The following LIPC variants were observed in gnomAD, a reference collection of about 807,000 sequenced individuals.
LIPC encodes the protein lipase C, hepatic type.
In LIPC, 44 loss-of-function variants were observed where a neutral mutation model predicts 50.7. That is an observed-to-expected ratio of 0.87 (90% CI 0.68 to 1.11). LIPC has a LOEUF of 1.11. LIPC is among the 50% of genes most tolerant of loss of function. LIPC has a pLI of 0.00. For synonymous variants in LIPC, 271 were observed against 256.4 expected (o/e 1.06, Z -0.54); for missense variants, 697 against 648.2 (o/e 1.08, Z -0.82).
chr15:58,545,366 G>C (rs1281997172), intron 4 of LIPC, among the ~76,000 whole-genome samples: 1 of 152,158 alleles, frequency 6.6e-6, no homozygotes, highest in South Asian at 2.1e-4. Flanking sequence ...AGCCTCCTGA[G>C]TGGCTGAAAC....
intron 1 of LIPC, among the ~76,000 whole-genome samples, chr15:58,450,322 C>T (rs1045033364): frequency 2.0e-5 from 3 of 152,164 alleles, no homozygotes; most frequent in Non-Finnish European, 4.4e-5. Context: ...ATTCAATAGG[C>T]CTAGGGTGCG....
rs140125467 is a variant in LIPC, at chr15:58,496,453, G to A, written c.89-41880G>A. 3.9e-5 allele frequency among the ~76,000 whole-genome samples: 6 copies of A among 152,180 alleles called. No individual in the cohort carries two copies. The East Asian group carries it at 5.8e-4, about 15-fold the overall frequency. On this transcript the variant is annotated intron_variant, in intron 1 of 8. Transcript: ENST00000299022. ...CAGTGCTCAGAGAAGTGCCTGGCAC[G>A]TAATAAAAGCTCATTGAACAAGGGA...
At chr15:58,547,311 G>A (rs1893566141) in intron 5 of LIPC, among the ~76,000 whole-genome samples, 1 of 152,200 alleles carries the variant, frequency 6.6e-6, no homozygotes, top group Non-Finnish European at 1.5e-5. Context: ...GAGCTTGGGT[G>A]AGTTAGTGGA....
chr15:58,437,187 G>C (rs1441463334), intron 1 of LIPC, among the ~76,000 whole-genome samples: 1 of 152,190 alleles, frequency 6.6e-6, no homozygotes, highest in Non-Finnish European at 1.5e-5. Flanking sequence ...TCTTAGCACA[G>C]AGGATGGGTT....
chr15:58,533,629 A>T (rs79197438), intron 1 of LIPC, among the ~76,000 whole-genome samples: 79 of 152,304 alleles, frequency 5.2e-4, no homozygotes, highest in Middle Eastern at 3.4e-3. Flanking sequence ...CGTTTTGAAG[A>T]ATTTTTGATG....
chr15:58,551,865 G>A (rs1346634499), intron 6 of LIPC, among the ~76,000 whole-genome samples: 1 of 152,156 alleles, frequency 6.6e-6, no homozygotes, highest in Non-Finnish European at 1.5e-5. Context: ...GAATTCCTCT[G>A]GCTCCCAAGA....
intron 1 of LIPC, among the ~76,000 whole-genome samples, chr15:58,457,735 G>A (rs1414003939): frequency 3.9e-5 from 6 of 152,220 alleles, no homozygotes; most frequent in African/African-American, 1.4e-4. Context: ...AGAGCAAGTA[G>A]CACTGGCTTG....
chr15:58,517,946 T>G (rs1482268875), intron 1 of LIPC, among the ~76,000 whole-genome samples: 1 of 152,228 alleles, frequency 6.6e-6, no homozygotes, highest in Non-Finnish European at 1.5e-5. Flanking sequence ...AGTGGGGCCC[T>G]GAACCCAGAT....
At chr15:58,462,106 G>C (rs1400815945) in intron 1 of LIPC, among the ~76,000 whole-genome samples, 2 of 152,190 alleles carry the variant, frequency 1.3e-5, no homozygotes, top group African/African-American at 4.8e-5. Context: ...CTTTGCTTCT[G>C]TCATCTATTT....
chr15:58,486,626 G>T (rs968058991), intron 1 of LIPC, among the ~76,000 whole-genome samples: 1 of 152,170 alleles, frequency 6.6e-6, no homozygotes, highest in Admixed American at 6.5e-5. Context: ...TTAGGAGATG[G>T]CTCCTACCAC....
intron 1 of LIPC, among the ~76,000 whole-genome samples, chr15:58,484,816 A>T (rs1312060046): frequency 6.6e-6 from 1 of 152,262 alleles, no homozygotes; most frequent in African/African-American, 2.4e-5. Flanking sequence ...AATGCTACAG[A>T]ACACATTGAG....
At chr15:58,468,649 G>C (rs1184446136) in intron 1 of LIPC, among the ~76,000 whole-genome samples, 1 of 152,058 alleles carries the variant, frequency 6.6e-6, no homozygotes, top group Non-Finnish European at 1.5e-5. Context: ...CCATTTAACT[G>C]TGGCAGAGGT....
At chr15:58,558,004 C>CCT (rs776014982) in intron 6 of LIPC, among the ~76,000 whole-genome samples, 11 of 152,164 alleles carry the variant, frequency 7.2e-5, no homozygotes, top group Non-Finnish European at 1.3e-4. Flanking sequence ...AGGCTAAGTC[C>CCT]CTCTCTCCAG....
chr15:58,552,967 G>A (rs1595947327), intron 6 of LIPC, among the ~76,000 whole-genome samples: 1 of 152,328 alleles, frequency 6.6e-6, no homozygotes, highest in East Asian at 1.9e-4. Context: ...TGTGGAGGAA[G>A]GAAGTAGATG....
At chr15:58,492,980 A>G (rs1891635834) in intron 1 of LIPC, among the ~76,000 whole-genome samples, 1 of 152,124 alleles carries the variant, frequency 6.6e-6, no homozygotes, top group South Asian at 2.1e-4. Flanking sequence ...ATGGATTCCT[A>G]AATGATATCT....
intron 1 of LIPC, among the ~76,000 whole-genome samples, chr15:58,464,370 C>G (rs772391570): frequency 2.0e-5 from 3 of 152,208 alleles, no homozygotes; most frequent in Admixed American, 6.5e-5. Flanking sequence ...ATGGTTAATC[C>G]AATCAAAGCC....
intron 1 of LIPC, among the ~76,000 whole-genome samples, chr15:58,518,321 G>A (rs931391182): frequency 9.2e-5 from 14 of 152,326 alleles, no homozygotes; most frequent in African/African-American, 2.6e-4. Flanking sequence ...TGATGCCTGA[G>A]AATGCTGTCC....
chr15:58,477,217 C>A (rs182021578), intron 1 of LIPC, among the ~76,000 whole-genome samples: 177 of 152,336 alleles, frequency 1.2e-3, no homozygotes, highest in South Asian at 3.5e-3. Context: ...CCTTTTTAAA[C>A]AAAATCTGCC....
chr15:58,542,633 A>T lies in LIPC; in HGVS notation c.556A>T (p.Lys186Ter), dbSNP rs1893371320. Residue 186 changes from lysine to a stop codon, truncating the protein, a stop_gained, in exon 4 of 9, where the codon AAG becomes TAG. Transcript: ENST00000299022. LOFTEE classifies it high-confidence loss of function. Reference sequence around the variant, plus strand: ...CGGCAGTTCCATCGGTGGAACGCACAAGATTGGGAGAATCACAGGTAACCA... The same window carrying T: ...CGGCAGTTCCATCGGTGGAACGCACTAGATTGGGAGAATCACAGGTAACCA... ...FAGSSIGGTHKIGRITGLDAA... is the reference protein window; with the variant it reads ...FAGSSIGGTH 1 of 1,612,208 alleles carries T rather than the reference A, an allele frequency of 6.2e-7. No individual in the cohort carries two copies. Among genetic ancestry groups the T allele is most frequent in the South Asian group, 1.1e-5 (1 of 91,040 alleles).
Sources: gnomAD v4.1 joint callset for allele counts (sites outside exome capture counted in the v4.1 genomes callset) on GRCh38, gnomAD v4.1.1 for gene constraint, MANE v1.5 for transcripts, NCBI Gene and HGNC (gene_info 2026-07-23, HGNC 2026-07-21) for gene names.